The following PSORS1C1 variants were observed in gnomAD, a reference collection of about 807,000 sequenced individuals.
PSORS1C1 encodes psoriasis susceptibility 1 candidate gene 1 protein.
A neutral mutation model predicts 9.4 loss-of-function variants in PSORS1C1; 7 were observed. The ratio of observed to expected loss-of-function variants is 0.75; its 90% CI spans 0.42 to 1.40. The LOEUF (loss-of-function observed/expected upper bound fraction) is 1.40, where lower values mean the gene tolerates loss of function less well. Among genes scored for constraint, PSORS1C1 ranks in the 40% most tolerant of loss-of-function variants. The pLI is 0.01. For missense variants in PSORS1C1, 146 were observed against 178.1 expected (o/e 0.82, Z 1.02); for synonymous variants, 63 against 69.4 (o/e 0.91, Z 0.46).
chr6:31,131,597 C>CAAAAAAAAAAA (rs9281219), intron 3 of PSORS1C1, among the ~76,000 whole-genome samples: 2 of 78,394 alleles, frequency 2.6e-5, no homozygotes, highest in Non-Finnish European at 4.7e-5. Flanking sequence ...GACTCCGTCT[C>CAAAAAAAAAAA]AAAAAAAAAA....
At position 31,138,730 on chromosome 6, in the gene PSORS1C1, C is replaced by G. The variant is rs145912990; in HGVS notation, c.118C>G (p.His40Asp). ...CAGCTCCGAGGAAACTCGTCCCCCC[C>G]ACGTTAATCCTGACCGACTTTGCCA... ...DPSSEETRPP[H>D]VNPDRLCHME... The change falls in exon 5 of 6, where the codon CAC (histidine) becomes GAC (aspartate). Residue 40 changes from histidine to aspartate, a missense_variant. Coordinates refer to ENST00000259881, the MANE Select transcript of PSORS1C1 (RefSeq NM_014068.3). 55 of 1,611,926 alleles carry G rather than the reference C, an allele frequency of 3.4e-5. No homozygotes were observed. The African/African-American group carries it at 5.4e-4, about 16-fold the overall frequency.
At chr6:31,137,917 G>T in intron 3 of PSORS1C1, 1 of 1,141,434 alleles carries the variant, frequency 8.8e-7, no homozygotes, top group Non-Finnish European at 1.2e-6. Flanking sequence ...GGTGCCTGGA[G>T]ATGCCTGGGA....
At chr6:31,121,214 CT>C (rs1393875294) in intron 1 of PSORS1C1, among the ~76,000 whole-genome samples, 1 of 151,994 alleles carries the variant, frequency 6.6e-6, no homozygotes, top group African/African-American at 2.4e-5. Context: ...GGGGAGGGGC[CT>C]GGGCTGATGA....
At position 31,128,407 on chromosome 6, in the gene PSORS1C1, G is replaced by C. The variant is rs2844634; in HGVS notation, c.-64-1162G>C. On this transcript the variant is annotated intron_variant, in intron 2 of 5. Transcript: ENST00000259881. This position sits in a 1 kb window ranked among gnomAD's most constrained non-coding sequence, Gnocchi z 4.3. Reference sequence around the variant, plus strand: ...TAAAGTCCCATCCCAAGGTCACATAGAGAACGAATGGCTAAGTAGCGACAA... The same window carrying C: ...TAAAGTCCCATCCCAAGGTCACATACAGAACGAATGGCTAAGTAGCGACAA... Among the ~76,000 whole-genome samples the C allele has an allele frequency of 0.22, 32,946 of 151,964 alleles. 3,603 individuals are homozygous for C. The highest frequency in any genetic ancestry group is 0.35 in the East Asian group (1,823 of 5,150).
intron 1 of PSORS1C1, among the ~76,000 whole-genome samples, chr6:31,121,376 T>A (rs1255502600): frequency 6.6e-6 from 1 of 152,118 alleles, no homozygotes; most frequent in African/African-American, 2.4e-5. Context: ...CTGGGCTGGA[T>A]GAGCGAGCAG....
At chr6:31,138,159 C>A (rs887167435) in intron 3 of PSORS1C1, 1 of 1,600,326 alleles carries the variant, frequency 6.2e-7, no homozygotes, top group Non-Finnish European at 8.5e-7. Flanking sequence ...ACGACTGGGG[C>A]GGGTAGGCGG....
chr6:31,129,046 A>C (rs1772797630), intron 2 of PSORS1C1, among the ~76,000 whole-genome samples: 1 of 152,238 alleles, frequency 6.6e-6, no homozygotes, highest in African/African-American at 2.4e-5. Flanking sequence ...AAAGCAGGGC[A>C]GACAACCATC....
intron 2 of PSORS1C1, among the ~76,000 whole-genome samples, chr6:31,126,980 G>T (rs1226843238): frequency 6.6e-6 from 1 of 152,202 alleles, no homozygotes; most frequent in African/African-American, 2.4e-5. Flanking sequence ...TCTCTGTCCT[G>T]CGGAGTGAGT....
intron 1 of PSORS1C1, chr6:31,116,833 C>A (rs752136614): frequency 1.2e-6 from 2 of 1,614,014 alleles, no homozygotes; most frequent in Non-Finnish European, 1.7e-6. Flanking sequence ...GGCACCAGAA[C>A]CGTGCTGGTC....
At position 31,128,350 on chromosome 6, in the gene PSORS1C1, C is replaced by A. The variant is rs957862118; in HGVS notation, c.-64-1219C>A. On this transcript the variant is annotated intron_variant, in intron 2 of 5. Transcript: ENST00000259881. This position sits in a 1 kb window ranked among gnomAD's most constrained non-coding sequence, Gnocchi z 4.3. ...CGCTACCTTGGCTCTCAGCATTGCA[C>A]GGGAGTTTAGAGGTTATTAAAGAAA... 2.0e-5 allele frequency among the ~76,000 whole-genome samples: 3 copies of A among 152,130 alleles called. No homozygotes were observed. Among genetic ancestry groups the A allele is most frequent in the Non-Finnish European group, 2.9e-5 (2 of 68,024 alleles).
intron 2 of PSORS1C1, among the ~76,000 whole-genome samples, chr6:31,127,688 C>G (rs1772741098): frequency 6.6e-6 from 1 of 151,856 alleles, no homozygotes; most frequent in Non-Finnish European, 1.5e-5. Flanking sequence ...GTGGTGAACA[C>G]TTGTAATCCC....
chr6:31,117,079 T>C lies in PSORS1C1; in HGVS notation c.-229+2188T>C, dbSNP rs148393062. On this transcript the variant is annotated intron_variant, in intron 1 of 5. Transcript: ENST00000259881. ...TAGTATTCCGCGGTAAGAGTTGTCA[T>C]TGGTTGGCAGAGCAGAGCCATTCCC... 592 of 1,614,210 alleles carry C rather than the reference T, an allele frequency of 3.7e-4. 4 individuals carry two copies. The African/African-American group carries it at 7.4e-3, about 20-fold the overall frequency.
At chr6:31,120,827 C>T (rs1410942569) in intron 1 of PSORS1C1, among the ~76,000 whole-genome samples, 3 of 152,132 alleles carry the variant, frequency 2.0e-5, no homozygotes, top group Non-Finnish European at 4.4e-5. Context: ...TCCATCTGCC[C>T]TCCACTCGCA....
intron 2 of PSORS1C1, among the ~76,000 whole-genome samples, chr6:31,127,684 A>C (rs6932240): frequency 0.24 from 36,635 of 151,254 alleles, 4,768 homozygotes; most frequent in Middle Eastern, 0.37. Context: ...TGTGGTGGTG[A>C]ACACTTGTAA....
chr6:31,122,513 C>T (rs3130994), intron 1 of PSORS1C1, among the ~76,000 whole-genome samples: 58,094 of 151,824 alleles, frequency 0.38, 11,191 homozygotes, highest in South Asian at 0.55. Context: ...CGGTGGCTCA[C>T]GCTTGTAATC....
At position 31,128,338 on chromosome 6, in the gene PSORS1C1, C is replaced by T. The variant is rs1772771124; in HGVS notation, c.-64-1231C>T. Among the ~76,000 whole-genome samples, 1 of 152,196 alleles carries T rather than the reference C, an allele frequency of 6.6e-6. No homozygotes were observed. The highest frequency in any genetic ancestry group is 1.5e-5 in the Non-Finnish European group (1 of 68,040). ...AGACCTGAGAGCCGCTACCTTGGCTCTCAGCATTGCACGGGAGTTTAGAGG... is the reference window on the plus strand; with the variant it reads ...AGACCTGAGAGCCGCTACCTTGGCTTTCAGCATTGCACGGGAGTTTAGAGG... On this transcript the variant is annotated intron_variant, in intron 2 of 5. Coordinates refer to ENST00000259881, the MANE Select transcript of PSORS1C1 (RefSeq NM_014068.3). This position sits in a 1 kb window ranked among gnomAD's most constrained non-coding sequence, Gnocchi z 4.3.
chr6:31,137,662 G>T, intron 3 of PSORS1C1: 1 of 361,034 alleles, frequency 2.8e-6, no homozygotes, highest in East Asian at 4.1e-5. Context: ...GATCGCGCGG[G>T]CAGGAAGACC....
chr6:31,117,182 C>T (rs6457328), intron 1 of PSORS1C1: 1 of 1,611,792 alleles, frequency 6.2e-7, no homozygotes, highest in African/African-American at 1.3e-5. Flanking sequence ...GAGTGAGAGC[C>T]GCTGTTTCCC....
chr6:31,115,929 C>T lies in PSORS1C1; in HGVS notation c.-229+1038C>T. On this transcript the variant is annotated intron_variant, in intron 1 of 5. Transcript: ENST00000259881. The surrounding 1 kb of genome is among the most constrained non-coding windows in gnomAD (Gnocchi z 4.2). ...TCTTTTGGGAAGGAGGGAAACTGAG[C>T]TAACCCTATGCCTGGGCACTGGACT... 1 of 1,126,066 alleles carries T rather than the reference C, an allele frequency of 8.9e-7. No individual in the cohort carries two copies. 69.8% of individuals were successfully genotyped at this position (1,126,066 alleles called of 1,614,324 possible).
Sources: allele counts gnomAD v4.1 joint callset (sites outside exome capture counted in the v4.1 genomes callset), GRCh38; gene constraint gnomAD v4.1.1; non-coding constraint Gnocchi (gnomAD v3.1); transcripts MANE v1.5; gene names NCBI Gene and HGNC (gene_info 2026-07-23, HGNC 2026-07-21).